Variants in PRKAR2B observed in about 807,000 individuals in gnomAD.
PRKAR2B encodes cAMP-dependent protein kinase type II-beta regulatory subunit.
A neutral mutation model predicts 49.9 loss-of-function variants in PRKAR2B; 14 were observed. The observed-to-expected ratio is 0.28, with a 90% CI of 0.19 to 0.44. PRKAR2B has a LOEUF of 0.44. Ranked by LOEUF, PRKAR2B falls within the 20% of genes least tolerant of loss-of-function variation. PRKAR2B has a pLI of 1.00. For synonymous variants in PRKAR2B, 196 were observed against 197.7 expected (o/e 0.99, Z 0.07); for missense variants, 393 against 537.9 (o/e 0.73, Z 2.67).
chr7:107,154,074 C>T (rs1796036413), intron 8 of PRKAR2B, among the ~76,000 whole-genome samples: 1 of 151,894 alleles, frequency 6.6e-6, no homozygotes, highest in African/African-American at 2.4e-5. Context: ...TCTCCCATTG[C>T]TGAGTGTGTG....
At chr7:107,128,444 A>T in intron 4 of PRKAR2B, 149 bp downstream of exon 4, 1 of 580,550 alleles carries the variant, frequency 1.7e-6, no homozygotes, top group South Asian at 2.3e-5. Flanking sequence ...TTGAATGCAC[A>T]GTAGGTTGAA....
At chr7:107,100,387 A>G (rs1364827382) in intron 2 of PRKAR2B, among the ~76,000 whole-genome samples, 1 of 152,198 alleles carries the variant, frequency 6.6e-6, no homozygotes, top group Non-Finnish European at 1.5e-5. Context: ...GTTCCCCTGT[A>G]TGAAATAAAT....
chr7:107,129,319 T>C (rs1438702162), intron 4 of PRKAR2B, among the ~76,000 whole-genome samples: 1 of 152,202 alleles, frequency 6.6e-6, no homozygotes, highest in African/African-American at 2.4e-5. Context: ...GCCCACACAT[T>C]ACGAGTTTGT....
At chr7:107,116,141 G>A (rs1195158447) in intron 2 of PRKAR2B, among the ~76,000 whole-genome samples, 3 of 152,146 alleles carry the variant, frequency 2.0e-5, no homozygotes, top group African/African-American at 2.4e-5. Context: ...AGATAATAAC[G>A]TTTCTCACCG....
intron 2 of PRKAR2B, among the ~76,000 whole-genome samples, chr7:107,082,894 C>T (rs553458168): frequency 1.3e-5 from 2 of 152,292 alleles, no homozygotes; most frequent in Admixed American, 6.5e-5. Context: ...GCCACCGTGC[C>T]TGGCATAATG....
At chr7:107,068,009 A>T (rs754870728) in intron 1 of PRKAR2B, among the ~76,000 whole-genome samples, 7 of 152,242 alleles carry the variant, frequency 4.6e-5, no homozygotes, top group Non-Finnish European at 8.8e-5. Flanking sequence ...GTTGCAGGAC[A>T]GTTCTTTGTT....
chr7:107,156,865 C>A, intron 8 of PRKAR2B, 119 bp from the exon 9 acceptor site: 1 of 832,560 alleles, frequency 1.2e-6, no homozygotes, highest in Non-Finnish European at 2.0e-6. Context: ...TAGGATTTCA[C>A]TTTTCAGGTG....
intron 5 of PRKAR2B, 129 bp from the exon 6 acceptor site, chr7:107,146,179 T>A: frequency 1.1e-6 from 1 of 942,206 alleles, no homozygotes; most frequent in Non-Finnish European, 1.6e-6. Context: ...TTGATTCCCC[T>A]TTATTGTCAT....
At chr7:107,078,213 AAAAAG>A (rs1554364714) in intron 2 of PRKAR2B, 2 of 152,128 alleles carry the variant, frequency 1.3e-5, no homozygotes, top group African/African-American at 2.4e-5. Context: ...AAAAAAAAAA[AAAAAG>A]AAAAAAGAAA....
chr7:107,088,255 ATCCT>A (rs1794657790), intron 2 of PRKAR2B, among the ~76,000 whole-genome samples: 1 of 152,152 alleles, frequency 6.6e-6, no homozygotes, highest in Non-Finnish European at 1.5e-5. Context: ...TCGTTCAGGT[ATCCT>A]ATGCAGTTAT....
At position 107,044,963 on chromosome 7, in the gene PRKAR2B, A is replaced by G; in HGVS notation, c.56A>G (p.Glu19Gly). The change falls in exon 1 of 11, where the codon GAG (glutamate) becomes GGG (glycine). Residue 19 changes from glutamate to glycine, a missense_variant. By Grantham distance (98) the Glu-to-Gly change is moderately conservative (BLOSUM62 -2). Around this residue, in one of 2 missense-constraint regions of PRKAR2B, gnomAD observed 160 missense variants for 147.6 expected, o/e 1.08. Coordinates refer to ENST00000265717, the MANE Select transcript of PRKAR2B (RefSeq NM_002736.3). ...GAGCTGCTGCAGGGCTTCACGGTGG[A>G]GGTGCTGAGGCACCAGCCCGCGGAC... The part of the protein sequence containing the change: ...LTELLQGFTV[E>G]VLRHQPADLL... 1 of 1,592,218 alleles carries G rather than the reference A, an allele frequency of 6.3e-7. No individual in the cohort carries two copies. Among genetic ancestry groups the G allele is most frequent in the East Asian group, 2.3e-5 (1 of 43,780 alleles).
chr7:107,083,375 A>G (rs1794552580), intron 2 of PRKAR2B, among the ~76,000 whole-genome samples: 1 of 151,742 alleles, frequency 6.6e-6, no homozygotes, highest in South Asian at 2.1e-4. Context: ...GCAAAAATAG[A>G]TGATGGTGAT....
chr7:107,096,291 A>G (rs950225992), intron 2 of PRKAR2B, among the ~76,000 whole-genome samples: 1 of 152,174 alleles, frequency 6.6e-6, no homozygotes, highest in African/African-American at 2.4e-5. Context: ...TGATTTGCAT[A>G]GAGGTGTTTA....
At chr7:107,075,734 C>G (rs1049328499) in intron 2 of PRKAR2B, among the ~76,000 whole-genome samples, 2 of 152,078 alleles carry the variant, frequency 1.3e-5, no homozygotes, top group Non-Finnish European at 2.9e-5. Context: ...TCAAAACGTT[C>G]GCTCTCAGCC....
rs1369910107 is a variant in PRKAR2B at position 107,099,565 on chromosome 7, C to T, written c.344-22387C>T. ...ACCTCAGTTGGAAATGCAGAAATCA[C>T]CCGTCTTCTGCGTTGCTCACCCTGG... On this transcript the variant is annotated intron_variant, in intron 2 of 10. Transcript: ENST00000265717. Among the ~76,000 whole-genome samples the T allele has an allele frequency of 3.3e-5, 5 of 152,292 alleles. 1 individual carries two copies. Among genetic ancestry groups the T allele is most frequent in the Middle Eastern group, 6.8e-3 (2 of 294 alleles).
intron 3 of PRKAR2B, 39 bp from the exon 4 acceptor site, chr7:107,128,173 G>C: frequency 7.6e-7 from 1 of 1,311,316 alleles, no homozygotes; most frequent in Non-Finnish European, 1.1e-6. Flanking sequence ...AGATGGTATT[G>C]GCTAATGTCT....
At chr7:107,109,426 AT>A (rs35160187) in intron 2 of PRKAR2B, among the ~76,000 whole-genome samples, 91,200 of 139,800 alleles carry the variant, frequency 0.65, 29,661 homozygotes, top group African/African-American at 0.72. Flanking sequence ...CACTCAGCTA[AT>A]TTTTTTTTTT....
chr7:107,061,242 T>C (rs1160571135), intron 1 of PRKAR2B, among the ~76,000 whole-genome samples: 2 of 152,186 alleles, frequency 1.3e-5, no homozygotes, highest in Non-Finnish European at 2.9e-5. Context: ...CATAAAACTT[T>C]TAGGATATGC....
intron 1 of PRKAR2B, among the ~76,000 whole-genome samples, chr7:107,052,214 T>C (rs1002565923): frequency 6.6e-6 from 1 of 152,124 alleles, no homozygotes; most frequent in Non-Finnish European, 1.5e-5. Flanking sequence ...AGGTCAGGAA[T>C]AGGACACCAG....
Sources: allele counts gnomAD v4.1 joint callset (sites outside exome capture counted in the v4.1 genomes callset), GRCh38; gene constraint gnomAD v4.1.1; regional missense constraint gnomAD v4.1.1; transcripts MANE v1.5; gene names NCBI Gene and HGNC (gene_info 2026-07-23, HGNC 2026-07-21).